Variants in PODXL observed in about 807,000 individuals in gnomAD.
The protein encoded by PODXL is podocalyxin.
In PODXL, 20 loss-of-function variants were observed where a neutral mutation model predicts 48.9. The ratio of observed to expected loss-of-function variants is 0.41; its 90% confidence interval spans 0.29 to 0.59. The LOEUF is 0.59. PODXL is among the 20% of genes least tolerant of loss of function. The pLI is 0.31. For synonymous variants in PODXL, 295 were observed against 287.4 expected, an observed-to-expected ratio of 1.03 and a Z score of -0.27; for missense variants, 606 against 675.1, an observed-to-expected ratio of 0.90 and a Z score of 1.13.
At position 131,501,148 on chromosome 7, in the gene PODXL, AT is replaced by A. The variant is rs1797695149; in HGVS notation, c.*3162del. ...ACCTGATCTACAAGACAAATACTTTATCATAAGTTTGTCTTGTTATATTTCA... is the reference window on the plus strand; with the variant it reads ...ACCTGATCTACAAGACAAATACTTTACATAAGTTTGTCTTGTTATATTTCA... On this transcript the variant is annotated 3_prime_UTR_variant, in exon 9 of 9. Transcript: ENST00000378555. 1 of 152,556 alleles carries A rather than the reference AT, an allele frequency of 6.6e-6. No individual in the cohort carries two copies. The highest frequency in any genetic ancestry group is 2.4e-5 in the African/African-American group (1 of 41,406). The allele number at this position is 152,556 out of a possible 1,614,324, so 9.5% of individuals were successfully genotyped here.
At chr7:131,530,236 T>C (rs1400530375) in intron 1 of PODXL, among the ~76,000 whole-genome samples, 2 of 146,586 alleles carry the variant, frequency 1.4e-5, no homozygotes, top group Non-Finnish European at 3.0e-5. Flanking sequence ...TATTGCCAGC[T>C]GGGCAGGACA....
intron 1 of PODXL, among the ~76,000 whole-genome samples, chr7:131,546,637 G>C (rs1027164693): frequency 1.3e-5 from 2 of 150,054 alleles, no homozygotes; most frequent in African/African-American, 4.9e-5. Context: ...GAGGTGAGAG[G>C]ATCGCTTGAA....
intron 1 of PODXL, among the ~76,000 whole-genome samples, chr7:131,521,822 A>G (rs1798096832): frequency 1.3e-5 from 2 of 152,206 alleles, no homozygotes; most frequent in South Asian, 4.1e-4. Flanking sequence ...TGGGGAAAGA[A>G]AACAGCCGGT....
intron 1 of PODXL, among the ~76,000 whole-genome samples, chr7:131,545,903 T>TA (rs935496284): frequency 6.6e-6 from 1 of 152,180 alleles, no homozygotes; most frequent in African/African-American, 2.4e-5. Context: ...AAAAGTAAAA[T>TA]AAAAAACCTC....
chr7:131,510,017 G>A (rs1797881769), intron 3 of PODXL, among the ~76,000 whole-genome samples: 1 of 152,136 alleles, frequency 6.6e-6, no homozygotes, highest in South Asian at 2.1e-4. Flanking sequence ...CCTGTGGAGC[G>A]GTGGCCTGCT....
chr7:131,529,448 G>A (rs1380183498), intron 1 of PODXL, among the ~76,000 whole-genome samples: 1 of 152,042 alleles, frequency 6.6e-6, no homozygotes, highest in African/African-American at 2.4e-5. Context: ...ATTGACTCTT[G>A]ACTATTAATA....
At chr7:131,539,913 T>C (rs1207549019) in intron 1 of PODXL, among the ~76,000 whole-genome samples, 1 of 152,212 alleles carries the variant, frequency 6.6e-6, no homozygotes, top group African/African-American at 2.4e-5. Flanking sequence ...TTTATCCTCA[T>C]GACTGTAAAC....
intron 1 of PODXL, among the ~76,000 whole-genome samples, chr7:131,544,654 ACTACGCACGCACGCCCTG>A (rs1798540497): frequency 6.0e-5 from 1 of 16,678 alleles, no homozygotes; most frequent in Non-Finnish European, 7.0e-4. Flanking sequence ...CACGCCCTGT[ACTACGCACGCACGCCCTG>A]TACTACGCTT....
intron 1 of PODXL, among the ~76,000 whole-genome samples, chr7:131,517,831 T>G (rs1250143620): frequency 6.6e-6 from 1 of 151,972 alleles, no homozygotes; most frequent in Non-Finnish European, 1.5e-5. Context: ...CTCCGCTTTG[T>G]GGGTTCAAGC....
chr7:131,504,449 C>T lies in PODXL; in HGVS notation c.1539G>A (p.Leu513=), dbSNP rs150526057. 5,103 of 1,613,732 alleles carry T rather than the reference C, an allele frequency of 3.2e-3. 16 individuals are homozygous for T. The highest frequency in any genetic ancestry group is 3.6e-3 in the Non-Finnish European group (4,289 of 1,179,562). ...TCTCAGAAGAGGTCTCCATCACTTC[C>T]AGTGTTGGGTTGTCATGGTAACCAT... The part of the protein sequence containing the change: ...VENGYHDNPT[L]EVMETSSEMQ... Residue 513 remains leucine, a synonymous_variant, in exon 9 of 9, where the codon CTG becomes CTA. Transcript: ENST00000378555.
intron 1 of PODXL, 95 bp downstream of exon 1, chr7:131,556,165 G>T: frequency 7.5e-7 from 1 of 1,340,772 alleles, no homozygotes; most frequent in South Asian, 1.8e-5. Context: ...CTCGGGGTCG[G>T]ACCACGCGGC....
At chr7:131,505,126 G>A (rs1195850827) in intron 8 of PODXL, among the ~76,000 whole-genome samples, 4 of 152,228 alleles carry the variant, frequency 2.6e-5, no homozygotes, top group Non-Finnish European at 5.9e-5. Context: ...ACGGTGTGCA[G>A]GCAGGAGTGA....
Position 131,508,972 on chromosome 7 carries a change from G to T in PODXL, c.1080C>A (p.Asn360Lys). 1 of 1,613,814 alleles carries T rather than the reference G, an allele frequency of 6.2e-7. No individual in the cohort carries two copies. The highest frequency in any genetic ancestry group is 8.5e-7 in the Non-Finnish European group (1 of 1,179,710). ...QTQSEKQLVL[N>K]LTGNTLCAGG... ...TCACACAGAGGGTGTTTCCTGTGAG[G>T]TTCAGGACGAGCTGCTTCTCACTCT... Residue 360 changes from asparagine (N) to lysine (K), a missense_variant, in exon 5 of 9, where the codon AAC becomes AAA. By Grantham distance (94) the Asn-to-Lys change is moderately conservative. Coordinates refer to ENST00000378555, the MANE Select transcript of PODXL (RefSeq NM_001018111.3).
In PODXL at chr7:131,556,292, G is replaced by T; in HGVS notation, c.68C>A (p.Ser23Ter). Reference sequence around the variant, plus strand: ...GGAGGGCGACGGCGACGGCGACGGCGACGACGGCAGCAGCGGCGGCGTTGA... The same window carrying T: ...GGAGGGCGACGGCGACGGCGACGGCTACGACGGCAGCAGCGGCGGCGTTGA... Reference protein sequence around the residue: ...LLSTPPLLPSSPSPSPSPSQN... With the variant: ...LLSTPPLLPS The change falls in exon 1 of 9, where the codon TCG becomes TAG. Residue 23 changes from serine (S) to a stop codon, truncating the protein, a stop_gained. Transcript: ENST00000378555. LOFTEE classifies it high-confidence loss of function. 6.7e-7 allele frequency: 1 copy of T among 1,496,156 alleles called. No homozygotes were observed. Among genetic ancestry groups the T allele is most frequent in the Non-Finnish European group, 8.9e-7 (1 of 1,127,190 alleles). The allele number at this position is 1,496,156 out of a possible 1,614,324, so 92.7% of individuals were successfully genotyped here.
At chr7:131,547,374 CAAAAAAAAA>C (rs10683140) in intron 1 of PODXL, among the ~76,000 whole-genome samples, 5 of 68,966 alleles carry the variant, frequency 7.2e-5, no homozygotes, top group African/African-American at 3.2e-4. Flanking sequence ...AACTCCGTCT[CAAAAAAAAA>C]AAAAAAAAAA....
intron 8 of PODXL, among the ~76,000 whole-genome samples, chr7:131,505,594 G>A (rs1436014303): frequency 6.6e-6 from 1 of 152,144 alleles, no homozygotes; most frequent in East Asian, 1.9e-4. Context: ...ACCAGCCTGG[G>A]TGACAGAGCA....
rs1486011315 is a variant in PODXL, at chr7:131,500,340, ATTAT to A, written c.*3967_*3970del. 3 of 152,812 alleles carry A rather than the reference ATTAT, an allele frequency of 2.0e-5. No individual in the cohort carries two copies. Among genetic ancestry groups the A allele is most frequent in the Admixed American group, 2.0e-4 (3 of 15,312 alleles). 9.5% of individuals were successfully genotyped at this position (152,812 alleles called of 1,614,324 possible). Reference sequence around the variant, plus strand: ...TATATTTTTGTAAGAAAATGCAATAATTATTAACTATAGTTTTTACAAACAAGTT... The same window carrying A: ...TATATTTTTGTAAGAAAATGCAATAATAACTATAGTTTTTACAAACAAGTT... On this transcript the variant is annotated 3_prime_UTR_variant, in exon 9 of 9. Coordinates refer to ENST00000378555, the MANE Select transcript of PODXL (RefSeq NM_001018111.3).
In PODXL at chr7:131,500,973, T is replaced by C. The variant is rs1392401953; in HGVS notation, c.*3338A>G. The C allele has an allele frequency of 6.6e-6, 1 of 152,192 alleles. No homozygotes were observed. Among genetic ancestry groups the C allele is most frequent in the East Asian group, 1.9e-4 (1 of 5,196 alleles). 9.4% of individuals were successfully genotyped at this position (152,192 alleles called of 1,614,324 possible). On this transcript the variant is annotated 3_prime_UTR_variant, in exon 9 of 9. Transcript: ENST00000378555. Reference sequence around the variant, plus strand: ...GATTATCTTTTTCTCTAGAAAAAGATTGGACTAGATCTTGAAATACCTTTC... The same window carrying C: ...GATTATCTTTTTCTCTAGAAAAAGACTGGACTAGATCTTGAAATACCTTTC...
At chr7:131,555,310 C>T (rs1481692005) in intron 1 of PODXL, among the ~76,000 whole-genome samples, 4 of 152,196 alleles carry the variant, frequency 2.6e-5, no homozygotes, top group African/African-American at 9.7e-5. Flanking sequence ...GCACCTCTCC[C>T]GTGGGGCTGA....
Sources: gnomAD v4.1 joint callset for allele counts (sites outside exome capture counted in the v4.1 genomes callset) on GRCh38, gnomAD v4.1.1 for gene constraint, MANE v1.5 for transcripts, NCBI Gene and HGNC (gene_info 2026-07-23, HGNC 2026-07-21) for gene names.